NWD2: variants seen among roughly 807,000 people sequenced by gnomAD.
NWD2 encodes the protein NACHT and WD repeat domain containing 2, also known as NACHT and WD repeat domain-containing protein 2.
Under a neutral mutation model 132.7 loss-of-function variants are expected in NWD2, and 37 were observed. The ratio of observed to expected loss-of-function variants is 0.28; its 90% CI spans 0.21 to 0.37. NWD2 has a LOEUF of 0.37. Among genes scored for constraint, NWD2 ranks in the 10% least tolerant of loss-of-function variants. The pLI is 1.00. For synonymous variants in NWD2, 705 were observed against 803.0 expected, an observed-to-expected ratio of 0.88 and a Z score of 2.06; for missense variants, 1,592 against 2,122.4, an observed-to-expected ratio of 0.75 and a Z score of 4.91.
chr4:37,449,305 G>A lies in NWD2; in HGVS notation c.*2088G>A, dbSNP rs994907318. The A allele has an allele frequency of 4.6e-5, 7 of 152,108 alleles. No individual in the cohort carries two copies. Among genetic ancestry groups the A allele is most frequent in the Non-Finnish European group, 7.4e-5 (5 of 68,020 alleles). 9.4% of individuals were successfully genotyped at this position (152,108 alleles called of 1,614,324 possible). On this transcript the variant is annotated 3_prime_UTR_variant, in exon 7 of 7. Coordinates refer to ENST00000309447, the MANE Select transcript of NWD2 (RefSeq NM_001144990.2). ...AATGTTTTTATGTAAACTTTGTATC[G>A]TTGGGAAGAATTACCCAATCAGAGA...
intron 2 of NWD2, among the ~76,000 whole-genome samples, chr4:37,328,114 C>A (rs949052243): frequency 1.3e-5 from 2 of 152,042 alleles, no homozygotes; most frequent in African/African-American, 4.8e-5. Context: ...ACACCTTAAG[C>A]CCATTCATAC....
At chr4:37,303,092 A>G (rs1329551041) in intron 1 of NWD2, among the ~76,000 whole-genome samples, 1 of 152,132 alleles carries the variant, frequency 6.6e-6, no homozygotes, top group Non-Finnish European at 1.5e-5. Context: ...TTCAGGTCTT[A>G]CATTTTAATC....
At chr4:37,365,231 C>A (rs1302564704) in intron 3 of NWD2, among the ~76,000 whole-genome samples, 2 of 152,110 alleles carry the variant, frequency 1.3e-5, no homozygotes, top group East Asian at 1.9e-4. Context: ...TCACATTTAT[C>A]CATATTCCAG....
Position 37,350,372 on chromosome 4 carries a change from G to A in NWD2, c.241-5994G>A, listed in dbSNP as rs570346513. Among the ~76,000 whole-genome samples the A allele has an allele frequency of 2.9e-3, 440 of 152,206 alleles. 3 individuals carry two copies. Among genetic ancestry groups the A allele is most frequent in the African/African-American group, 0.01 (422 of 41,530 alleles). ...CTCTTACTTCCTTGAGCAGTATTTTGTAGTTCTCCTTGAAGAGGTCTTTCA... is the reference window on the plus strand; with the variant it reads ...CTCTTACTTCCTTGAGCAGTATTTTATAGTTCTCCTTGAAGAGGTCTTTCA... On this transcript the variant is annotated intron_variant, in intron 2 of 6. Coordinates refer to ENST00000309447, the MANE Select transcript of NWD2 (RefSeq NM_001144990.2).
At chr4:37,371,940 G>A (rs1305465144) in intron 3 of NWD2, among the ~76,000 whole-genome samples, 2 of 152,072 alleles carry the variant, frequency 1.3e-5, no homozygotes, top group African/African-American at 2.4e-5. Flanking sequence ...TGTGAAAAAG[G>A]GAATGCAAAT....
chr4:37,353,961 T>G (rs1719822162), intron 2 of NWD2, among the ~76,000 whole-genome samples: 1 of 152,258 alleles, frequency 6.6e-6, no homozygotes, highest in South Asian at 2.1e-4. Flanking sequence ...TTTGCGCTGG[T>G]TTTTTCTCAT....
intron 1 of NWD2, among the ~76,000 whole-genome samples, chr4:37,285,220 C>T (rs184557584): frequency 6.6e-6 from 1 of 152,298 alleles, no homozygotes; most frequent in African/African-American, 2.4e-5. Flanking sequence ...AACGTTCCAA[C>T]ACACTATGTA....
chr4:37,395,683 C>T (rs1420871014), intron 3 of NWD2, among the ~76,000 whole-genome samples: 3 of 151,028 alleles, frequency 2.0e-5, no homozygotes, highest in Non-Finnish European at 4.4e-5. Flanking sequence ...CAGATCAGCC[C>T]TCTTTGTTCT....
chr4:37,312,442 G>A (rs906638300), intron 1 of NWD2, among the ~76,000 whole-genome samples: 6 of 150,950 alleles, frequency 4.0e-5, no homozygotes, highest in African/African-American at 1.5e-4. Flanking sequence ...TCTGTTATTG[G>A]TGTATAGGAA....
chr4:37,255,205 C>T (rs191531984), intron 1 of NWD2, among the ~76,000 whole-genome samples: 77 of 152,302 alleles, frequency 5.1e-4, no homozygotes, highest in African/African-American at 1.7e-3. Flanking sequence ...ACTACAGACA[C>T]TGCCGTTGTG....
At chr4:37,404,473 A>G (rs778145512) in intron 3 of NWD2, among the ~76,000 whole-genome samples, 44 of 152,110 alleles carry the variant, frequency 2.9e-4, no homozygotes, top group Non-Finnish European at 5.4e-4. Flanking sequence ...TTTCTTCTCC[A>G]TCCACAGTCA....
At chr4:37,338,576 T>G (rs1169905985) in intron 2 of NWD2, among the ~76,000 whole-genome samples, 1 of 152,254 alleles carries the variant, frequency 6.6e-6, no homozygotes, top group Non-Finnish European at 1.5e-5. Context: ...AATCGCCAAC[T>G]AGTTTTAGGC....
rs75806693 is a variant in NWD2, at chr4:37,309,513, G to C, written c.152-16423G>C. Among the ~76,000 whole-genome samples the C allele has an allele frequency of 3.2e-3, 492 of 152,234 alleles. 2 individuals carry two copies. The highest frequency in any genetic ancestry group is 8.4e-3 in the African/African-American group (347 of 41,528). On this transcript the variant is annotated intron_variant, in intron 1 of 6. Transcript: ENST00000309447. ...AATGCAGAGAAGCAGGCCCTTTGGGGCTCCTGGACAGGGTACATTTTAGCA... is the reference window on the plus strand; with the variant it reads ...AATGCAGAGAAGCAGGCCCTTTGGGCCTCCTGGACAGGGTACATTTTAGCA...
At chr4:37,391,177 G>T (rs1417308081) in intron 3 of NWD2, among the ~76,000 whole-genome samples, 1 of 152,068 alleles carries the variant, frequency 6.6e-6, no homozygotes, top group Non-Finnish European at 1.5e-5. Flanking sequence ...CTAATAACTA[G>T]GAAATCACTT....
At chr4:37,319,259 A>G (rs113332973) in intron 1 of NWD2, among the ~76,000 whole-genome samples, 113 of 151,800 alleles carry the variant, frequency 7.4e-4, no homozygotes, top group African/African-American at 2.6e-3. Flanking sequence ...ATGTTTGGCC[A>G]TTTGTGTGTC....
At chr4:37,280,285 A>G (rs1718102766) in intron 1 of NWD2, among the ~76,000 whole-genome samples, 1 of 152,320 alleles carries the variant, frequency 6.6e-6, no homozygotes, top group African/African-American at 2.4e-5. Flanking sequence ...AGAAAGACTA[A>G]TAAGATCATT....
chr4:37,445,426 G>T lies in NWD2; in HGVS notation c.3438G>T (p.Lys1146Asn). The T allele has an allele frequency of 6.4e-7, 1 of 1,551,914 alleles. No homozygotes were observed. The highest frequency in any genetic ancestry group is 8.7e-7 in the Non-Finnish European group (1 of 1,147,036). The stretch of plus-strand genomic sequence containing the variant: ...CAGAATTTTCAGGTGGATTTGTGAA[G>T]TTTCTTCTTATCTTGGACACAGCTC... ...VTSEFSGGFV[K>N]FLLILDTAQE... is the part of the protein sequence containing the mutation. The change falls in exon 7 of 7, where the codon AAG (lysine) becomes AAT (asparagine). Residue 1146 changes from lysine (K) to asparagine (N), a missense_variant. By Grantham distance (94) the Lys-to-Asn change is moderately conservative. Transcript: ENST00000309447. The surrounding 1 kb of genome is among the most constrained non-coding windows in gnomAD (Gnocchi z 4.7).
chr4:37,262,841 G>A (rs564305357), intron 1 of NWD2, among the ~76,000 whole-genome samples: 1 of 152,260 alleles, frequency 6.6e-6, no homozygotes, highest in African/African-American at 2.4e-5. Context: ...GTCCAGCTTG[G>A]TCTCTGGATG....
At chr4:37,341,999 G>A (rs1161583902) in intron 2 of NWD2, among the ~76,000 whole-genome samples, 1 of 152,178 alleles carries the variant, frequency 6.6e-6, no homozygotes, top group East Asian at 1.9e-4. Context: ...CTCAGATACA[G>A]TGATTGCCAA....
Sources: gnomAD v4.1 joint callset for allele counts (sites outside exome capture counted in the v4.1 genomes callset) on GRCh38, gnomAD v4.1.1 for gene constraint, Gnocchi (gnomAD v3.1) non-coding constraint, MANE v1.5 for transcripts, NCBI Gene and HGNC (gene_info 2026-07-23, HGNC 2026-07-21) for gene names.